SNX13: variants seen among roughly 807,000 people sequenced by gnomAD.
The protein encoded by SNX13 is sorting nexin-13.
SNX13 carries 45 observed loss-of-function variants against 133.6 expected under a neutral mutation model. That is an observed-to-expected ratio of 0.34 (90% CI 0.27 to 0.43). SNX13 has a LOEUF of 0.43. Among genes scored for constraint, SNX13 ranks in the 20% least tolerant of loss-of-function variants. The pLI, the probability that SNX13 is intolerant of heterozygous loss-of-function variation, is 1.00. For missense variants in SNX13, 1,032 were observed against 1,145.1 expected, an observed-to-expected ratio of 0.90 and a Z score of 1.43; for synonymous variants, 414 against 373.9, an observed-to-expected ratio of 1.11 and a Z score of -1.24.
chr7:17,792,360 AG>A lies in SNX13; in HGVS notation c.*1684del, dbSNP rs1783632749. The A allele has an allele frequency of 1.3e-5, 2 of 152,186 alleles. No individual in the cohort carries two copies. The allele number at this position is 152,186 out of a possible 1,614,324, so 9.4% of individuals were successfully genotyped here. ...TTTCTCACTTGCAAGTTGCAATGAA[AG>A]GGATTTCATTTTATGTAATTCTGAA... On this transcript the variant is annotated 3_prime_UTR_variant, in exon 26 of 26. Transcript: ENST00000428135.
intron 9 of SNX13, among the ~76,000 whole-genome samples, chr7:17,866,248 A>T (rs974665970): frequency 7.2e-5 from 11 of 152,134 alleles, no homozygotes; most frequent in Non-Finnish European, 1.6e-4. Flanking sequence ...TCATGTGACA[A>T]AGAAATAATA....
chr7:17,805,423 G>T (rs1230726416), intron 20 of SNX13, among the ~76,000 whole-genome samples: 1 of 152,034 alleles, frequency 6.6e-6, no homozygotes, highest in Non-Finnish European at 1.5e-5. Context: ...ATATAGCGTA[G>T]AATTCTAAAG....
intron 1 of SNX13, among the ~76,000 whole-genome samples, chr7:17,928,630 TA>T (rs1187709324): frequency 2.6e-5 from 4 of 151,902 alleles, no homozygotes; most frequent in African/African-American, 9.7e-5. Flanking sequence ...AAAATTCAAT[TA>T]TGAGAAAAAA....
intron 20 of SNX13, among the ~76,000 whole-genome samples, chr7:17,812,473 A>G (rs1786163562): frequency 1.3e-5 from 2 of 152,368 alleles, no homozygotes. Flanking sequence ...TAGAATGGCA[A>G]TCATTAAAAA....
intron 20 of SNX13, among the ~76,000 whole-genome samples, chr7:17,808,787 T>G (rs1785628474): frequency 6.6e-6 from 1 of 151,676 alleles, no homozygotes; most frequent in South Asian, 2.1e-4. Context: ...CAGAAGAGAG[T>G]GAGGGCCAAT....
chr7:17,839,581 T>C (rs1343424233), intron 13 of SNX13, among the ~76,000 whole-genome samples: 4 of 152,014 alleles, frequency 2.6e-5, no homozygotes, highest in Non-Finnish European at 5.9e-5. Context: ...ATGTGTGACC[T>C]TGAATCTTAT....
intron 18 of SNX13, among the ~76,000 whole-genome samples, chr7:17,819,888 A>G (rs577298415): frequency 1.9e-5 from 2 of 106,872 alleles, no homozygotes; most frequent in African/African-American, 9.7e-5. Flanking sequence ...TAAACTTTAT[A>G]AGAAACACAC....
Position 17,839,969 on chromosome 7 carries a change from A to G in SNX13, c.1197T>C (p.His399=), listed in dbSNP as rs775058999. The G allele has an allele frequency of 1.9e-6, 3 of 1,610,854 alleles. No individual in the cohort carries two copies. Among genetic ancestry groups the G allele is most frequent in the East Asian group, 2.2e-5 (1 of 44,740 alleles). Residue 399 remains histidine, a synonymous_variant, in exon 13 of 26, where the codon CAT becomes CAC. Coordinates refer to ENST00000428135, the MANE Select transcript of SNX13 (RefSeq NM_015132.5). ...DYMQQTGGQA[H]LFFWMTVEGY... ...CTTCCACTGTCATCCAAAAGAATAGATGTGCTTGACCTCCAGTTTGCTGCA... is the reference window on the plus strand; with the variant it reads ...CTTCCACTGTCATCCAAAAGAATAGGTGTGCTTGACCTCCAGTTTGCTGCA...
chr7:17,875,852 A>C (rs1006793908), intron 5 of SNX13, 62 bp from the exon 6 acceptor site: 2 of 1,337,566 alleles, frequency 1.5e-6, no homozygotes. Context: ...ATATAAATTC[A>C]TTTTAATGAC....
intron 13 of SNX13, among the ~76,000 whole-genome samples, chr7:17,836,153 A>G (rs2691602): frequency 0.56 from 85,194 of 151,776 alleles, 24,453 homozygotes; most frequent in East Asian, 0.72. Flanking sequence ...AGGATGACCA[A>G]CACTTTTAGT....
At chr7:17,817,637 T>C (rs1489263067) in intron 18 of SNX13, among the ~76,000 whole-genome samples, 1 of 152,018 alleles carries the variant, frequency 6.6e-6, no homozygotes, top group Non-Finnish European at 1.5e-5. Context: ...GGAAAACCAA[T>C]AAAGGGTAGA....
chr7:17,854,213 A>G (rs1791601697), intron 9 of SNX13, among the ~76,000 whole-genome samples: 1 of 152,306 alleles, frequency 6.6e-6, no homozygotes. Flanking sequence ...ATATAATGAA[A>G]AAGAACAAAG....
intron 17 of SNX13, among the ~76,000 whole-genome samples, chr7:17,824,482 A>T (rs1787653036): frequency 6.6e-6 from 1 of 152,160 alleles, no homozygotes; most frequent in Non-Finnish European, 1.5e-5. Context: ...CATAATTACC[A>T]ATGTAATGAA....
chr7:17,849,942 C>T (rs537111035), intron 11 of SNX13, among the ~76,000 whole-genome samples: 7 of 152,250 alleles, frequency 4.6e-5, no homozygotes, highest in Non-Finnish European at 5.9e-5. Flanking sequence ...CCTGATATTA[C>T]GCGTCAATTT....
chr7:17,906,674 T>C (rs1047040947), intron 1 of SNX13, among the ~76,000 whole-genome samples: 1 of 152,184 alleles, frequency 6.6e-6, no homozygotes, highest in African/African-American at 2.4e-5. Context: ...ATTATAATTT[T>C]TAACTGTAAG....
At chr7:17,910,606 T>C (rs1299271294) in intron 1 of SNX13, among the ~76,000 whole-genome samples, 3 of 152,134 alleles carry the variant, frequency 2.0e-5, no homozygotes, top group Admixed American at 2.0e-4. Flanking sequence ...AACAGAAACA[T>C]GTACACACAT....
At chr7:17,830,636 T>G (rs1418133047) in intron 15 of SNX13, 1 of 983,636 alleles carries the variant, frequency 1.0e-6, no homozygotes, top group Non-Finnish European at 1.2e-6. Context: ...AAAAAGCAAC[T>G]AGGACAAATT....
intron 1 of SNX13, among the ~76,000 whole-genome samples, chr7:17,906,674 T>A (rs1047040947): frequency 6.6e-6 from 1 of 152,184 alleles, no homozygotes; most frequent in East Asian, 1.9e-4. Flanking sequence ...ATTATAATTT[T>A]TAACTGTAAG....
intron 1 of SNX13, among the ~76,000 whole-genome samples, chr7:17,936,363 T>C (rs1562551752): frequency 1.3e-5 from 2 of 152,230 alleles, no homozygotes; most frequent in Non-Finnish European, 2.9e-5. Context: ...TCAGTGTTAA[T>C]ATTGAAAAAG....
Sources: allele counts gnomAD v4.1 joint callset (sites outside exome capture counted in the v4.1 genomes callset), GRCh38; gene constraint gnomAD v4.1.1; transcripts MANE v1.5; gene names NCBI Gene and HGNC (gene_info 2026-07-23, HGNC 2026-07-21).